The following RASA4 variants were observed in gnomAD, a reference collection of about 807,000 sequenced individuals.
RASA4 encodes ras GTPase-activating protein 4.
A neutral mutation model predicts 24.0 loss-of-function variants in RASA4; 5 were observed. That is an observed-to-expected ratio of 0.21 (90% CI 0.11 to 0.44). The LOEUF is 0.44. Ranked by LOEUF, RASA4 falls within the 20% of genes least tolerant of loss-of-function variation. The pLI, the probability that RASA4 is intolerant of heterozygous loss-of-function variation, is 0.99. For synonymous variants in RASA4, 9 were observed against 132.7 expected (o/e 0.07, Z 6.41); for missense variants, 38 against 293.0 (o/e 0.13, Z 6.35).
chr7:102,589,980 TCCAGGGCACTCCCACAGCAC>T (rs1789895339), intron 17 of RASA4, among the ~76,000 whole-genome samples, 159 bp downstream of exon 17: 1 of 23,272 alleles, frequency 4.3e-5, no homozygotes, highest in African/African-American at 1.1e-4. Context: ...TCCCATAGCA[TCCAGGGCACTCCCACAGCAC>T]CCAGGCCACT....
chr7:102,605,991 T>G lies in RASA4; in HGVS notation c.299-4A>C. On this transcript the variant is annotated splice_region_variant and splice_polypyrimidine_tract_variant and intron_variant, in intron 4 of 20. Coordinates refer to ENST00000262940, the MANE Select transcript of RASA4 (RefSeq NM_006989.6). The stretch of plus-strand genomic sequence containing the variant: ...AGGTGGGCCCACCCGCTGAAACCTG[T>G]GGGGTCAGCTCAGCCAGGGACCCGG... The G allele has an allele frequency of 6.2e-7, 1 of 1,609,872 alleles. No individual in the cohort carries two copies. Among genetic ancestry groups the G allele is most frequent in the Non-Finnish European group, 8.5e-7 (1 of 1,179,176 alleles).
At chr7:102,599,643 A>G (rs1219716740) in intron 8 of RASA4, among the ~76,000 whole-genome samples, 1 of 146,416 alleles carries the variant, frequency 6.8e-6, no homozygotes, top group Admixed American at 6.8e-5. Flanking sequence ...CTCAAAATAA[A>G]TAAATAAATA....
intron 16 of RASA4, among the ~76,000 whole-genome samples, chr7:102,590,934 C>G (rs2133442616): frequency 6.8e-6 from 1 of 146,788 alleles, no homozygotes; most frequent in East Asian, 2.0e-4. Context: ...AAGCGAAACT[C>G]CATCTCAAAA....
At chr7:102,591,967 G>A (rs1790021558) in intron 16 of RASA4, among the ~76,000 whole-genome samples, 1 of 152,234 alleles carries the variant, frequency 6.6e-6, no homozygotes, top group African/African-American at 2.4e-5. Flanking sequence ...CCGAGTAGCT[G>A]GGACTACAGG....
Position 102,605,875 on chromosome 7 carries a change from G to C in RASA4, c.411C>G (p.Cys137Trp), listed in dbSNP as rs1180246314. 6.4e-7 allele frequency: 1 copy of C among 1,570,328 alleles called. No homozygotes were observed. Among genetic ancestry groups the C allele is most frequent in the African/African-American group, 1.3e-5 (1 of 74,458 alleles). The change falls in exon 5 of 21, where the codon TGC (cysteine) becomes TGG (tryptophan). Residue 137 changes from cysteine (C) to tryptophan (W), a missense_variant. Cys to Trp is a radical substitution (Grantham distance 215). Transcript: ENST00000262940. ...AGTCTCACCTGGCCTCCAGCACAGA[G>C]CAGCGTAGCCGGCAGGCCCGGGCCC... is the stretch of plus-strand genomic sequence containing the variant. ...WPGARACRLRCSVLEARDLAP... is the reference protein window; with the variant it reads ...WPGARACRLRWSVLEARDLAP...
At chr7:102,612,154 G>A (rs1284054562) in intron 1 of RASA4, 2 of 160,718 alleles carry the variant, frequency 1.2e-5, no homozygotes, top group Non-Finnish European at 2.7e-5. Context: ...CCCTGCCAGA[G>A]CCCTCCCTCG....
chr7:102,606,405 A>AT (rs1790665594), intron 4 of RASA4, among the ~76,000 whole-genome samples: 1 of 27,864 alleles, frequency 3.6e-5, no homozygotes, highest in Non-Finnish European at 6.6e-5. Flanking sequence ...CAAAAAAAAA[A>AT]AAAAAAAAAA....
At chr7:102,610,780 C>T (rs538048438) in intron 2 of RASA4, among the ~76,000 whole-genome samples, 1 of 135,902 alleles carries the variant, frequency 7.4e-6, no homozygotes, top group African/African-American at 2.6e-5. Flanking sequence ...TGGAAAAGGG[C>T]TGGCTCCACA....
intron 16 of RASA4, among the ~76,000 whole-genome samples, chr7:102,590,663 G>A (rs1256041374): frequency 8.5e-5 from 12 of 141,784 alleles, no homozygotes; most frequent in South Asian, 6.5e-4. Context: ...TATCCTGACC[G>A]GGCGCAGTGG....
chr7:102,585,845 T>TG (rs1789753731), intron 18 of RASA4, among the ~76,000 whole-genome samples: 5 of 136,626 alleles, frequency 3.7e-5, no homozygotes, highest in African/African-American at 1.0e-4. Context: ...CTGTTTTTTT[T>TG]TTTGTTTTTT....
rs1789676238 is a variant in RASA4, at chr7:102,581,109, C to T, written c.*1662G>A. ...CGCCCACCTGGAGAGCTAGAAACAT[C>T]TGGAGGGCTGGGACCACCTGGAGAC... is the stretch of plus-strand genomic sequence containing the variant. On this transcript the variant is annotated 3_prime_UTR_variant, in exon 21 of 21. Transcript: ENST00000262940. 6.6e-6 allele frequency: 1 copy of T among 151,666 alleles called. No homozygotes were observed. The highest frequency in any genetic ancestry group is 6.6e-5 in the Admixed American group (1 of 15,260). The allele number at this position is 151,666 out of a possible 1,614,324, so 9.4% of individuals were successfully genotyped here. A position where few individuals can be genotyped will look rare whatever the true frequency, so the allele number is the denominator to read the frequency against.
In RASA4 at chr7:102,590,491, G is replaced by C. The variant is rs1789923101; in HGVS notation, c.1831-195C>G. 4.4e-5 allele frequency among the ~76,000 whole-genome samples: 3 copies of C among 68,178 alleles called. No individual in the cohort carries two copies. In the South Asian group the frequency reaches 1.2e-3, roughly 28 times the overall value. 44.7% of individuals were successfully genotyped at this position (68,178 alleles called of 152,430 possible). ...GGGAGAGGAGGACCTGGCCTCTCTG[G>C]GGGGCACTCCCAGAAGGCCTCGGAG... is the stretch of plus-strand genomic sequence containing the variant. On this transcript the variant is annotated intron_variant, in intron 16 of 20. Transcript: ENST00000262940.
chr7:102,580,861 A>C lies in RASA4; in HGVS notation c.*1910T>G, dbSNP rs1234963998. On this transcript the variant is annotated 3_prime_UTR_variant, in exon 21 of 21. Coordinates refer to ENST00000262940, the MANE Select transcript of RASA4 (RefSeq NM_006989.6). Reference sequence around the variant, plus strand: ...CTGTCTCAAAAAAAAAAAAAAAAAAAAAACTATAAAGTTCCCCTTCATCTG... The same window carrying C: ...CTGTCTCAAAAAAAAAAAAAAAAAACAAACTATAAAGTTCCCCTTCATCTG... 6 of 136,944 alleles carry C rather than the reference A, an allele frequency of 4.4e-5. No homozygotes were observed. The highest frequency in any genetic ancestry group is 7.7e-5 in the Admixed American group (1 of 13,066). The allele number at this position is 136,944 out of a possible 1,614,324, so 8.5% of individuals were successfully genotyped here.
intron 16 of RASA4, among the ~76,000 whole-genome samples, chr7:102,590,742 A>G (rs1170027267): frequency 6.9e-6 from 1 of 145,756 alleles, no homozygotes; most frequent in African/African-American, 2.7e-5. Context: ...GGAGTTCGAG[A>G]CCAGCCTGAC....
chr7:102,591,788 A>G (rs1194104627), intron 16 of RASA4, among the ~76,000 whole-genome samples: 1 of 149,052 alleles, frequency 6.7e-6, no homozygotes, highest in Non-Finnish European at 1.5e-5. Context: ...AGATCATCTC[A>G]TTTAATCCTC....
intron 1 of RASA4, chr7:102,611,997 C>G (rs1477215632): frequency 8.2e-6 from 1 of 122,550 alleles, no homozygotes; most frequent in Non-Finnish European, 1.7e-5. Context: ...TGCCTCCCCC[C>G]AGAACAGCTC....
At chr7:102,603,768 G>A (rs1790473966) in intron 5 of RASA4, among the ~76,000 whole-genome samples, 1 of 151,674 alleles carries the variant, frequency 6.6e-6, no homozygotes, top group South Asian at 2.1e-4. Flanking sequence ...TGAACCTGGG[G>A]AGGCAGAGGT....
intron 2 of RASA4, among the ~76,000 whole-genome samples, chr7:102,610,755 A>G (rs1790810462): frequency 6.8e-6 from 1 of 146,982 alleles, no homozygotes; most frequent in East Asian, 2.1e-4. Flanking sequence ...CGTTAATTGC[A>G]AGAACTAAAC....
chr7:102,595,245 G>A lies in RASA4; in HGVS notation c.1071+60C>T, dbSNP rs528140689. The A allele has an allele frequency of 4.5e-4, 222 of 488,648 alleles. 55 individuals are homozygous for A. In the East Asian group the frequency reaches 8.2e-3, roughly 18 times the overall value. The allele number at this position is 488,648 out of a possible 1,614,324, so 30.3% of individuals were successfully genotyped here. A position where few individuals can be genotyped will look rare whatever the true frequency, so the allele number is the denominator to read the frequency against. ...AGTCGAAGTCCCAGCCCCCTCTGTC[G>A]CTCTCTGAAGCTCAGTGTTGTCATT... On this transcript the variant is annotated intron_variant, in intron 11 of 20. Coordinates refer to ENST00000262940, the MANE Select transcript of RASA4 (RefSeq NM_006989.6).
Sources: allele counts gnomAD v4.1 joint callset (sites outside exome capture counted in the v4.1 genomes callset), GRCh38; gene constraint gnomAD v4.1.1; transcripts MANE v1.5; gene names NCBI Gene and HGNC (gene_info 2026-07-23, HGNC 2026-07-21).